CDH22: variants seen among roughly 807,000 people sequenced by gnomAD.
CDH22 encodes the protein cadherin 22.
CDH22 carries 30 observed loss-of-function variants against 58.4 expected under a neutral mutation model. The ratio of observed to expected loss-of-function variants is 0.51; its 90% CI spans 0.38 to 0.70. CDH22 has a LOEUF of 0.70. Ranked by LOEUF, CDH22 falls within the 30% of genes least tolerant of loss-of-function variation. CDH22 has a pLI of 0.00. For synonymous variants in CDH22, 513 were observed against 558.2 expected (o/e 0.92, Z 1.14); for missense variants, 1,014 against 1,233.9 (o/e 0.82, Z 2.67).
chr20:46,214,328 G>A (rs182551469), intron 5 of CDH22, among the ~76,000 whole-genome samples: 1 of 152,202 alleles, frequency 6.6e-6, no homozygotes, highest in Non-Finnish European at 1.5e-5. Flanking sequence ...CTGAAGCAGG[G>A]TCTGTGGGGA....
At position 46,259,060 on chromosome 20, in the gene CDH22, C is replaced by T. The variant is rs2086419725; in HGVS notation, c.-399-7367G>A. On this transcript the variant is annotated intron_variant, in intron 1 of 11. Coordinates refer to ENST00000537909, the MANE Select transcript of CDH22 (RefSeq NM_021248.3). ...CCTTGGAAATAGGCCAGATGTGGTC[C>T]CTGTTCTTAAGGCAGTCACAGCCTA... 2.0e-5 allele frequency among the ~76,000 whole-genome samples: 3 copies of T among 152,190 alleles called. No homozygotes were observed. In the South Asian group the frequency reaches 6.2e-4, roughly 32 times the overall value.
Position 46,241,478 on chromosome 20 carries a change from T to A in CDH22, c.256-221A>T, listed in dbSNP as rs1045571569. Among the ~76,000 whole-genome samples, 5 of 152,136 alleles carry A rather than the reference T, an allele frequency of 3.3e-5. No homozygotes were observed. Among genetic ancestry groups the A allele is most frequent in the Non-Finnish European group, 7.4e-5 (5 of 68,010 alleles). ...GCCCTCCCTGCCCCTGGACTCTGCT[T>A]TCCCCTCTGCATTCAGAGCTATCAG... On this transcript the variant is annotated intron_variant, in intron 2 of 11. Coordinates refer to ENST00000537909, the MANE Select transcript of CDH22 (RefSeq NM_021248.3). The surrounding 1 kb of genome is among the most constrained non-coding windows in gnomAD (Gnocchi z 5.2).
chr20:46,235,136 T>G (rs911091907), intron 3 of CDH22, among the ~76,000 whole-genome samples: 7 of 152,230 alleles, frequency 4.6e-5, no homozygotes, highest in Non-Finnish European at 8.8e-5. Context: ...AATAAAGTAG[T>G]GGTTAATAAA....
rs772485362 is a variant in CDH22, at chr20:46,174,860, G to A, written c.2133C>T (p.Gly711=). ...DGGGSAGGGA[G]GGSGGGAGSP... The stretch of plus-strand genomic sequence containing the variant: ...TGCCCGCGCCCCCGCCCGAGCCCCC[G>A]CCCGCTCCCCCGCCCGCGCTGCCGC... The change falls in exon 12 of 12, where the codon GGC becomes GGT. Residue 711 remains glycine (G), a synonymous_variant. Transcript: ENST00000537909. This position sits in a 1 kb window ranked among gnomAD's most constrained non-coding sequence, Gnocchi z 4.4. 2.6e-4 allele frequency: 65 copies of A among 248,654 alleles called. No homozygotes were observed. The East Asian group carries it at 0.012, about 44-fold the overall frequency. The allele number at this position is 248,654 out of a possible 1,614,324, so 15.4% of individuals were successfully genotyped here. A position where few individuals can be genotyped will look rare whatever the true frequency, so the allele number is the denominator to read the frequency against.
In CDH22 at chr20:46,175,060, G is replaced by A. The variant is rs145483531; in HGVS notation, c.1933C>T (p.Leu645Phe). 27 of 1,604,636 alleles carry A rather than the reference G, an allele frequency of 1.7e-5. No individual in the cohort carries two copies. The highest frequency in any genetic ancestry group is 5.1e-5 in the Admixed American group (3 of 59,250). ...LILVVLVLLILTLRRHHKSHL... is the reference protein window; with the variant it reads ...LILVVLVLLIFTLRRHHKSHL... ...CTCTTGTGGTGGCGCCTGAGGGTGAGGATCAGCAGCACCAGCACTGCGAGG... is the reference window on the plus strand; with the variant it reads ...CTCTTGTGGTGGCGCCTGAGGGTGAAGATCAGCAGCACCAGCACTGCGAGG... Residue 645 changes from leucine to phenylalanine, a missense_variant, in exon 12 of 12, where the codon CTC becomes TTC. Transcript: ENST00000537909.
intron 10 of CDH22, among the ~76,000 whole-genome samples, chr20:46,181,748 C>CTTCCTTCG (rs1555800211): frequency 3.8e-5 from 1 of 26,320 alleles, no homozygotes; most frequent in Non-Finnish European, 8.3e-5. Context: ...TCCTTCCTTC[C>CTTCCTTCG]TTCCTTCTTT....
At chr20:46,286,539 C>T (rs1225882470) in intron 1 of CDH22, among the ~76,000 whole-genome samples, 2 of 152,160 alleles carry the variant, frequency 1.3e-5, no homozygotes, top group South Asian at 2.1e-4. Context: ...TTTCAGTGGC[C>T]GCTGTGCTGT....
intron 3 of CDH22, among the ~76,000 whole-genome samples, chr20:46,231,437 A>T (rs545545648): frequency 6.6e-6 from 1 of 152,306 alleles, no homozygotes; most frequent in South Asian, 2.1e-4. Flanking sequence ...GTATTTTCAC[A>T]GTCTCCAGAG....
chr20:46,177,841 T>C (rs1171564922), intron 11 of CDH22, 105 bp downstream of exon 11: 4 of 1,387,956 alleles, frequency 2.9e-6, no homozygotes, highest in Non-Finnish European at 4.0e-6. Flanking sequence ...CCCATCCTCA[T>C]GTGGAGAGGG....
intron 4 of CDH22, among the ~76,000 whole-genome samples, chr20:46,218,076 A>C (rs2086098887): frequency 6.6e-6 from 1 of 152,086 alleles, no homozygotes; most frequent in South Asian, 2.1e-4. Flanking sequence ...GGCATGCACC[A>C]CTATGCCTGG....
At position 46,251,548 on chromosome 20, in the gene CDH22, C is replaced by T. The variant is rs2145738570; in HGVS notation, c.-254G>A. ...AGCCCCCGGGGTGCCCGCCCGCGCC[C>T]CCGTCGCCGCGTCGCGTGCGGATCA... On this transcript the variant is annotated 5_prime_UTR_variant, in exon 2 of 12. Coordinates refer to ENST00000537909, the MANE Select transcript of CDH22 (RefSeq NM_021248.3). The surrounding 1 kb of genome is among the most constrained non-coding windows in gnomAD (Gnocchi z 6.7). 1 of 301,112 alleles carries T rather than the reference C, an allele frequency of 3.3e-6. No individual in the cohort carries two copies. Among genetic ancestry groups the T allele is most frequent in the African/African-American group, 2.2e-5 (1 of 45,404 alleles). 18.7% of individuals were successfully genotyped at this position (301,112 alleles called of 1,614,324 possible). A position where few individuals can be genotyped will look rare whatever the true frequency, so the allele number is the denominator to read the frequency against.
intron 1 of CDH22, among the ~76,000 whole-genome samples, chr20:46,282,247 C>A (rs1290076650): frequency 6.6e-6 from 1 of 152,148 alleles, no homozygotes. Flanking sequence ...ACAACGTGCC[C>A]AGGATACCCT....
intron 1 of CDH22, among the ~76,000 whole-genome samples, chr20:46,278,930 G>A (rs142325584): frequency 1.1e-3 from 171 of 152,326 alleles, no homozygotes; most frequent in African/African-American, 3.8e-3. Context: ...GGCCCAGTTA[G>A]TTTTTCCAGA....
intron 1 of CDH22, among the ~76,000 whole-genome samples, chr20:46,304,054 G>A (rs1262117875): frequency 1.3e-5 from 2 of 152,090 alleles, no homozygotes; most frequent in African/African-American, 4.8e-5. Context: ...TGAATCTGTG[G>A]GACTCTAGAA....
rs115763880 is a variant in CDH22, at chr20:46,268,487, G to C, written c.-399-16794C>G. On this transcript the variant is annotated intron_variant, in intron 1 of 11. Transcript: ENST00000537909. The stretch of plus-strand genomic sequence containing the variant: ...AGGCGTGGGCCTCCTCCTTAAACAA[G>C]ATTCAATTCCACTTAGCTGCCCCCA... 9.4e-3 allele frequency among the ~76,000 whole-genome samples: 1,430 copies of C among 152,352 alleles called. 22 individuals carry two copies. Among genetic ancestry groups the C allele is most frequent in the African/African-American group, 0.032 (1,349 of 41,584 alleles).
chr20:46,238,579 C>A (rs2086269980), intron 3 of CDH22, among the ~76,000 whole-genome samples: 1 of 152,212 alleles, frequency 6.6e-6, no homozygotes, highest in African/African-American at 2.4e-5. Context: ...TCTCATCCCC[C>A]AAATCTGTTC....
At chr20:46,187,125 T>C (rs2085832365) in intron 8 of CDH22, among the ~76,000 whole-genome samples, 178 bp from the exon 9 acceptor site, 1 of 152,070 alleles carries the variant, frequency 6.6e-6, no homozygotes, top group Non-Finnish European at 1.5e-5. Flanking sequence ...TAATCATCAC[T>C]GTAATCACCA....
rs2085938042 is a variant in CDH22 at position 46,199,474 on chromosome 20, C to G, written c.1372G>C (p.Asp458His). The change falls in exon 8 of 12, where the codon GAC becomes CAC. Residue 458 changes from aspartate (D) to histidine (H), a missense_variant. Around this residue, in one of 2 missense-constraint regions of CDH22, gnomAD observed 806 missense variants for 1,038.7 expected, o/e 0.78. Coordinates refer to ENST00000537909, the MANE Select transcript of CDH22 (RefSeq NM_021248.3). ...TGAIVTGKGLDRETAGWHNIT... is the reference protein window; with the variant it reads ...TGAIVTGKGLHRETAGWHNIT... The stretch of plus-strand genomic sequence containing the variant: ...TTGTGCCAGCCGGCCGTCTCGCGGT[C>G]CAGCCCCTTGCCAGTCACGATGGCG... 6.2e-7 allele frequency: 1 copy of G among 1,613,916 alleles called. No homozygotes were observed. Among genetic ancestry groups the G allele is most frequent in the South Asian group, 1.1e-5 (1 of 91,044 alleles).
chr20:46,232,825 A>G (rs2086228913), intron 3 of CDH22, among the ~76,000 whole-genome samples: 1 of 152,062 alleles, frequency 6.6e-6, no homozygotes, highest in South Asian at 2.1e-4. Context: ...GCTGGCCTCG[A>G]CCCTGCTTCT....
Sources: allele counts gnomAD v4.1 joint callset (sites outside exome capture counted in the v4.1 genomes callset), GRCh38; gene constraint gnomAD v4.1.1; regional missense constraint gnomAD v4.1.1; non-coding constraint Gnocchi (gnomAD v3.1); transcripts MANE v1.5; gene names NCBI Gene and HGNC (gene_info 2026-07-23, HGNC 2026-07-21).